The following MEIS2 variants were observed in gnomAD, a reference collection of about 807,000 sequenced individuals.
The protein encoded by MEIS2 is homeobox protein Meis2.
In MEIS2, 9 loss-of-function variants were observed where a neutral mutation model predicts 58.6. The ratio of observed to expected loss-of-function variants is 0.15; its 90% confidence interval spans 0.09 to 0.27. The LOEUF is 0.27. Ranked by LOEUF, MEIS2 falls within the 10% of genes least tolerant of loss-of-function variation. The pLI, the probability that MEIS2 is intolerant of heterozygous loss-of-function variation, is 1.00. For synonymous variants in MEIS2, 221 were observed against 228.4 expected, an observed-to-expected ratio of 0.97 and a Z score of 0.29; for missense variants, 427 against 635.0, an observed-to-expected ratio of 0.67 and a Z score of 3.52.
intron 8 of MEIS2, among the ~76,000 whole-genome samples, chr15:37,019,144 C>T (rs1223509393): frequency 6.6e-6 from 1 of 152,060 alleles, no homozygotes; most frequent in Non-Finnish European, 1.5e-5. Flanking sequence ...TTCAGTTCCA[C>T]CCCACCCTGA....
At chr15:37,046,036 C>A (rs1046094498) in intron 7 of MEIS2, among the ~76,000 whole-genome samples, 1 of 152,186 alleles carries the variant, frequency 6.6e-6, no homozygotes, top group East Asian at 1.9e-4. Flanking sequence ...ACTTTTCAGG[C>A]GGTATAAGCA....
In MEIS2 at chr15:36,896,607, T is replaced by C. The variant is rs376697484; in HGVS notation, c.1036+21A>G. 187 of 1,596,394 alleles carry C rather than the reference T, an allele frequency of 1.2e-4. 1 individual carries two copies. Among genetic ancestry groups the C allele is most frequent in the South Asian group, 2.1e-4 (19 of 88,920 alleles). On this transcript the variant is annotated intron_variant, in intron 10 of 11. Coordinates refer to ENST00000561208, the MANE Select transcript of MEIS2 (RefSeq NM_170675.5). ...GATTTGTGCCTGTGGGACATAAATA[T>C]AGATACTACTTGGAACTTGCCTGCT...
At chr15:36,981,932 C>T (rs1203879908) in intron 8 of MEIS2, among the ~76,000 whole-genome samples, 2 of 152,096 alleles carry the variant, frequency 1.3e-5, no homozygotes, top group African/African-American at 4.8e-5. Context: ...CCAAGACTTA[C>T]ACCAATCCCC....
chr15:36,991,774 TTTTTTTTTC>T (rs1476549442), intron 8 of MEIS2, among the ~76,000 whole-genome samples: 7 of 108,266 alleles, frequency 6.5e-5, no homozygotes, highest in Admixed American at 1.0e-4. Context: ...TAATTTTCTT[TTTTTTTTTC>T]TTTTTTTTTT....
At chr15:36,957,514 A>G (rs2059023719) in intron 8 of MEIS2, among the ~76,000 whole-genome samples, 1 of 152,168 alleles carries the variant, frequency 6.6e-6, no homozygotes, top group Non-Finnish European at 1.5e-5. Flanking sequence ...CTAATCCATC[A>G]TAGTTCATTC....
At chr15:37,084,006 G>A in intron 6 of MEIS2, 121 bp from the exon 7 acceptor site, 1 of 728,468 alleles carries the variant, frequency 1.4e-6, no homozygotes, top group South Asian at 1.8e-5. Flanking sequence ...TGTGGCAGTA[G>A]GCATATACGC....
At chr15:37,097,143 G>T (rs1363379345) in intron 2 of MEIS2, 1 of 152,192 alleles carries the variant, frequency 6.6e-6, no homozygotes, top group Non-Finnish European at 1.5e-5. Context: ...GTGCGTGCGC[G>T]TATGCCCTTT....
At chr15:37,048,722 G>A (rs535421046) in intron 7 of MEIS2, among the ~76,000 whole-genome samples, 6 of 152,080 alleles carry the variant, frequency 3.9e-5, no homozygotes, top group Admixed American at 6.5e-5. Flanking sequence ...AAAGATAGCC[G>A]TCTCTATAAT....
At chr15:36,971,294 C>T (rs56306623) in intron 8 of MEIS2, among the ~76,000 whole-genome samples, 7 of 151,870 alleles carry the variant, frequency 4.6e-5, no homozygotes, top group Non-Finnish European at 1.0e-4. Context: ...ACATTGTTTT[C>T]TGAGCAATTA....
chr15:37,028,453 T>C (rs2141701988), intron 8 of MEIS2, among the ~76,000 whole-genome samples: 1 of 152,276 alleles, frequency 6.6e-6, no homozygotes, highest in East Asian at 1.9e-4. Context: ...ATGCAATTTT[T>C]CCCCCTCAAG....
At chr15:37,053,371 C>G (rs2063007212) in intron 7 of MEIS2, among the ~76,000 whole-genome samples, 1 of 152,214 alleles carries the variant, frequency 6.6e-6, no homozygotes, top group South Asian at 2.1e-4. Flanking sequence ...GAGGAATTCA[C>G]CGCTGACCCA....
intron 8 of MEIS2, among the ~76,000 whole-genome samples, chr15:36,994,601 T>C (rs1254814246): frequency 6.6e-6 from 1 of 152,210 alleles, no homozygotes; most frequent in Admixed American, 6.5e-5. Context: ...AGATCCTACA[T>C]GGTTTTTCAT....
Position 37,099,217 on chromosome 15 carries a change from G to C in MEIS2, c.12+238C>G, listed in dbSNP as rs527433446. 4.2e-6 allele frequency: 6 copies of C among 1,416,230 alleles called. No individual in the cohort carries two copies. The South Asian group carries it at 7.8e-5, about 18-fold the overall frequency. 87.7% of individuals were successfully genotyped at this position (1,416,230 alleles called of 1,614,324 possible). A position where few individuals can be genotyped will look rare whatever the true frequency, so the allele number is the denominator to read the frequency against. On this transcript the variant is annotated intron_variant, in intron 1 of 11. Transcript: ENST00000561208. ...ACACGCACTCGCCGCCCGCCCGCTC[G>C]CACAGCGCTGGAACACGCGCGCCCA... is the stretch of plus-strand genomic sequence containing the variant.
chr15:36,920,243 G>A (rs956951123), intron 9 of MEIS2, among the ~76,000 whole-genome samples: 1 of 152,022 alleles, frequency 6.6e-6, no homozygotes, highest in East Asian at 1.9e-4. Context: ...TCCACCTCCC[G>A]GGTTCAAGCG....
At chr15:37,073,645 G>A (rs1000556556) in intron 7 of MEIS2, among the ~76,000 whole-genome samples, 1 of 152,056 alleles carries the variant, frequency 6.6e-6, no homozygotes, top group African/African-American at 2.4e-5. Flanking sequence ...ATGAGGTAGA[G>A]TCCATAAGCT....
At chr15:37,027,556 A>G (rs1253600975) in intron 8 of MEIS2, among the ~76,000 whole-genome samples, 1 of 152,194 alleles carries the variant, frequency 6.6e-6, no homozygotes, top group Non-Finnish European at 1.5e-5. Flanking sequence ...TGAATATTCA[A>G]TATGCACATG....
chr15:37,004,226 A>C (rs9920759), intron 8 of MEIS2, among the ~76,000 whole-genome samples: 67,718 of 152,028 alleles, frequency 0.45, 16,218 homozygotes, highest in Admixed American at 0.59. Context: ...CTCTTCCTGT[A>C]CTCAAGAGAA....
chr15:36,911,632 A>C (rs2057028373), intron 9 of MEIS2, among the ~76,000 whole-genome samples: 1 of 152,192 alleles, frequency 6.6e-6, no homozygotes, highest in Non-Finnish European at 1.5e-5. Flanking sequence ...ACTGTGTTAA[A>C]CACCACCTGC....
chr15:36,990,181 G>A (rs974455265), intron 8 of MEIS2, among the ~76,000 whole-genome samples: 14 of 152,004 alleles, frequency 9.2e-5, no homozygotes, highest in African/African-American at 1.4e-4. Context: ...TCCTGACCTC[G>A]TGACCCGCCC....
Sources: gnomAD v4.1 joint callset for allele counts (sites outside exome capture counted in the v4.1 genomes callset) on GRCh38, gnomAD v4.1.1 for gene constraint, MANE v1.5 for transcripts, NCBI Gene and HGNC (gene_info 2026-07-23, HGNC 2026-07-21) for gene names.